Variants in UNC5A observed in about 807,000 individuals in gnomAD.
UNC5A encodes the protein unc-5 netrin receptor A, also known as netrin receptor UNC5A.
Under a neutral mutation model 87.4 loss-of-function variants are expected in UNC5A, and 20 were observed. That is an observed-to-expected ratio of 0.23 (90% CI 0.16 to 0.33). The LOEUF (loss-of-function observed/expected upper bound fraction) is 0.33, where lower values mean the gene tolerates loss of function less well. Among genes scored for constraint, UNC5A ranks in the 10% least tolerant of loss-of-function variants. UNC5A has a pLI of 1.00. For synonymous variants in UNC5A, 438 were observed against 482.3 expected (o/e 0.91, Z 1.20); for missense variants, 844 against 1,133.4 (o/e 0.74, Z 3.67).
chr5:176,824,039 C>T lies in UNC5A; in HGVS notation c.70+13219C>T, dbSNP rs955568144. 2.6e-5 allele frequency among the ~76,000 whole-genome samples: 4 copies of T among 152,324 alleles called. No individual in the cohort carries two copies. The South Asian group carries it at 6.2e-4, about 24-fold the overall frequency. On this transcript the variant is annotated intron_variant, in intron 1 of 14. Coordinates refer to ENST00000329542, the MANE Select transcript of UNC5A (RefSeq NM_133369.3). This position sits in a 1 kb window ranked among gnomAD's most constrained non-coding sequence, Gnocchi z 4.2. ...ACCTGTCCCAGCTGGCGAATGGTCCCGGAGATCCTGGGCACATGATTGGGC... is the reference window on the plus strand; with the variant it reads ...ACCTGTCCCAGCTGGCGAATGGTCCTGGAGATCCTGGGCACATGATTGGGC...
intron 1 of UNC5A, among the ~76,000 whole-genome samples, chr5:176,831,875 T>TTCTC (rs199623939): frequency 4.5e-5 from 2 of 44,102 alleles, no homozygotes; most frequent in African/African-American, 7.0e-5. Context: ...TTCACACACT[T>TTCTC]TCTCTCTCTC....
chr5:176,850,420 T>G (rs1293445234), intron 1 of UNC5A, among the ~76,000 whole-genome samples: 2 of 150,634 alleles, frequency 1.3e-5, no homozygotes, highest in South Asian at 2.1e-4. Context: ...ACACTTTGGG[T>G]GGTGGGGCCG....
At chr5:176,862,556 G>A in intron 1 of UNC5A, 68 bp from the exon 2 acceptor site, 1 of 1,457,036 alleles carries the variant, frequency 6.9e-7, no homozygotes, top group Non-Finnish European at 9.4e-7. Context: ...GGAATCGTTT[G>A]CTGAGCCGCT....
intron 1 of UNC5A, among the ~76,000 whole-genome samples, chr5:176,818,155 G>A (rs1234221931): frequency 6.6e-6 from 1 of 152,232 alleles, no homozygotes; most frequent in Admixed American, 6.5e-5. Context: ...GGTGGGCGCA[G>A]GGCTTCTCAG....
At chr5:176,833,362 A>G (rs1376527014) in intron 1 of UNC5A, among the ~76,000 whole-genome samples, 1 of 152,032 alleles carries the variant, frequency 6.6e-6, no homozygotes, top group East Asian at 1.9e-4. Context: ...GTCCATGTGT[A>G]CTCAATATTT....
intron 6 of UNC5A, among the ~76,000 whole-genome samples, chr5:176,872,412 G>A (rs1187247306): frequency 5.5e-4 from 3 of 5,484 alleles, no homozygotes; most frequent in Non-Finnish European, 1.2e-3. Context: ...GCCCACACTC[G>A]CCCCAACACC....
chr5:176,840,317 G>A (rs370805651), intron 1 of UNC5A, among the ~76,000 whole-genome samples: 10 of 152,250 alleles, frequency 6.6e-5, no homozygotes, highest in East Asian at 5.8e-4. Flanking sequence ...AAGGAACTCC[G>A]AGGCATGGGG....
In UNC5A at chr5:176,848,949, C is replaced by T. The variant is rs898335201; in HGVS notation, c.71-13675C>T. ...CCAGGTACCTGGGGCAATGGACAGC[C>T]GACCTCTCCGCCTCTGTCCAGGCCC... is the stretch of plus-strand genomic sequence containing the variant. On this transcript the variant is annotated intron_variant, in intron 1 of 14. Coordinates refer to ENST00000329542, the MANE Select transcript of UNC5A (RefSeq NM_133369.3). This position sits in a 1 kb window ranked among gnomAD's most constrained non-coding sequence, Gnocchi z 5.8. Among the ~76,000 whole-genome samples, 16 of 152,190 alleles carry T rather than the reference C, an allele frequency of 1.1e-4. No individual in the cohort carries two copies. The highest frequency in any genetic ancestry group is 5.9e-5 in the Non-Finnish European group (4 of 68,030).
At chr5:176,813,034 A>C (rs1756503947) in intron 1 of UNC5A, among the ~76,000 whole-genome samples, 1 of 152,206 alleles carries the variant, frequency 6.6e-6, no homozygotes, top group Admixed American at 6.5e-5. Context: ...GACTGACTGC[A>C]GCCGCTTGCT....
intron 1 of UNC5A, among the ~76,000 whole-genome samples, chr5:176,851,623 C>T (rs748047147): frequency 5.9e-5 from 9 of 152,224 alleles, no homozygotes; most frequent in Admixed American, 6.5e-5. Flanking sequence ...CTGGCCATGG[C>T]GGGCTGCAGC....
chr5:176,824,139 C>T lies in UNC5A; in HGVS notation c.70+13319C>T, dbSNP rs532605574. 4.6e-5 allele frequency among the ~76,000 whole-genome samples: 7 copies of T among 152,338 alleles called. 1 individual carries two copies. The South Asian group carries it at 8.3e-4, about 18-fold the overall frequency. On this transcript the variant is annotated intron_variant, in intron 1 of 14. Coordinates refer to ENST00000329542, the MANE Select transcript of UNC5A (RefSeq NM_133369.3). This position sits in a 1 kb window ranked among gnomAD's most constrained non-coding sequence, Gnocchi z 4.2. Reference sequence around the variant, plus strand: ...CTTCTCCCGCCTGGAGGCGGAGGTGCGGCCCCGATGCCTCCCGGGTTGGAG... The same window carrying T: ...CTTCTCCCGCCTGGAGGCGGAGGTGTGGCCCCGATGCCTCCCGGGTTGGAG...
chr5:176,820,608 G>A (rs748133237), intron 1 of UNC5A, among the ~76,000 whole-genome samples: 8 of 152,198 alleles, frequency 5.3e-5, no homozygotes, highest in Non-Finnish European at 1.0e-4. Context: ...AATAAGGGAA[G>A]CTGGTCTGGC....
Position 176,838,626 on chromosome 5 carries a change from CT to C in UNC5A, c.71-23997del, listed in dbSNP as rs1405252336. 6.6e-6 allele frequency among the ~76,000 whole-genome samples: 1 copy of C among 152,278 alleles called. No homozygotes were observed. The highest frequency in any genetic ancestry group is 1.5e-5 in the Non-Finnish European group (1 of 68,048). ...GAGCTACCCTGCTCGCTGTTCTGCT[CT>C]GTCTTCCCTGGTGTTGGCCATATCC... On this transcript the variant is annotated intron_variant, in intron 1 of 14. Transcript: ENST00000329542. This position sits in a 1 kb window ranked among gnomAD's most constrained non-coding sequence, Gnocchi z 4.2.
At chr5:176,840,514 A>G (rs1054123595) in intron 1 of UNC5A, among the ~76,000 whole-genome samples, 2 of 152,150 alleles carry the variant, frequency 1.3e-5, no homozygotes, top group East Asian at 1.9e-4. Context: ...CCACATCTCT[A>G]TCTCTTCATC....
At position 176,879,841 on chromosome 5, in the gene UNC5A, C is replaced by G; in HGVS notation, c.2484C>G (p.Gly828=). Reference sequence around the variant, plus strand: ...TGGCTGCAGCAGTGGCTGGACTGGGCCAGCCAGACGCTGGCCTCTTCACAG... The same window carrying G: ...TGGCTGCAGCAGTGGCTGGACTGGGGCAGCCAGACGCTGGCCTCTTCACAG... ...SQLAAAVAGL[G]QPDAGLFTVS... Residue 828 remains glycine, a synonymous_variant, in exon 15 of 15, where the codon GGC becomes GGG. Coordinates refer to ENST00000329542, the MANE Select transcript of UNC5A (RefSeq NM_133369.3). 1.2e-6 allele frequency: 2 copies of G among 1,612,516 alleles called. No homozygotes were observed. The highest frequency in any genetic ancestry group is 1.7e-6 in the Non-Finnish European group (2 of 1,179,808).
At chr5:176,833,046 C>G (rs996308835) in intron 1 of UNC5A, among the ~76,000 whole-genome samples, 33 of 152,266 alleles carry the variant, frequency 2.2e-4, no homozygotes, top group African/African-American at 8.0e-4. Context: ...TAGCCACTCT[C>G]AAACCCAGGA....
At chr5:176,868,750 G>A (rs1296622773) in intron 4 of UNC5A, 34 bp from the exon 5 acceptor site, 1 of 1,588,386 alleles carries the variant, frequency 6.3e-7, no homozygotes, top group Non-Finnish European at 8.6e-7. Context: ...GGCCAGCATG[G>A]GCTGGCAGTA....
Position 176,852,465 on chromosome 5 carries a change from G to A in UNC5A, c.71-10159G>A, listed in dbSNP as rs143745949. Among the ~76,000 whole-genome samples the A allele has an allele frequency of 2.2e-3, 334 of 152,266 alleles. 1 individual carries two copies. The highest frequency in any genetic ancestry group is 7.6e-3 in the African/African-American group (317 of 41,548). ...GCGCCTTCCTTCCCCAGTTTTCCCT[G>A]GGCCGTGTGACCACATAATTACCCT... is the stretch of plus-strand genomic sequence containing the variant. On this transcript the variant is annotated intron_variant, in intron 1 of 14. Coordinates refer to ENST00000329542, the MANE Select transcript of UNC5A (RefSeq NM_133369.3).
At chr5:176,868,306 C>T (rs754054378) in intron 3 of UNC5A, 33 bp downstream of exon 3, 1 of 1,610,474 alleles carries the variant, frequency 6.2e-7, no homozygotes, top group African/African-American at 1.3e-5. Flanking sequence ...GGGGAGGGCG[C>T]ACGGCGGGAG....
Sources: gnomAD v4.1 joint callset for allele counts (sites outside exome capture counted in the v4.1 genomes callset) on GRCh38, gnomAD v4.1.1 for gene constraint, Gnocchi (gnomAD v3.1) non-coding constraint, MANE v1.5 for transcripts, NCBI Gene and HGNC (gene_info 2026-07-23, HGNC 2026-07-21) for gene names.